SYS1: variants seen among roughly 807,000 people sequenced by gnomAD.
SYS1 encodes the protein SYS1 golgi trafficking protein, also known as protein SYS1 homolog.
A neutral mutation model predicts 17.8 loss-of-function variants in SYS1; 8 were observed. That is an observed-to-expected ratio of 0.45 (90% CI 0.26 to 0.81). The LOEUF (loss-of-function observed/expected upper bound fraction) is 0.81. Ranked by LOEUF, SYS1 falls within the 40% of genes least tolerant of loss-of-function variation. The probability of loss-of-function intolerance (pLI) is 0.16; values close to 1 mark genes in which losing one functional copy is unlikely to be tolerated. For missense variants in SYS1, 161 were observed against 203.9 expected (o/e 0.79, Z 1.28); for synonymous variants, 95 against 90.9 (o/e 1.05, Z -0.26).
In SYS1 at chr20:45,374,888, C is replaced by T. The variant is rs527282231; in HGVS notation, c.*594C>T. ...GTATGATGTTGGTCTAAGGCTTCCC[C>T]CTCTCTGGACATGAAGGCGGAGCCT... On this transcript the variant is annotated 3_prime_UTR_variant, in exon 4 of 4. Coordinates refer to the SYS1 transcript ENST00000426004. 163 of 1,068,660 alleles carry T rather than the reference C, an allele frequency of 1.5e-4. No individual in the cohort carries two copies. The African/African-American group carries it at 1.9e-3, about 13-fold the overall frequency. The allele number at this position is 1,068,660 out of a possible 1,614,324, so 66.2% of individuals were successfully genotyped here.
chr20:45,363,524 T>A lies in SYS1; in HGVS notation c.-3-5T>A. 1 of 1,590,948 alleles carries A rather than the reference T, an allele frequency of 6.3e-7. No homozygotes were observed. On this transcript the variant is annotated splice_region_variant and splice_polypyrimidine_tract_variant and intron_variant, in intron 1 of 3. Coordinates refer to ENST00000243918, the MANE Select transcript of SYS1 (RefSeq NM_033542.4). Reference sequence around the variant, plus strand: ...CTGGCTGAGGCCCGGCTCGTGTCCCTGCAGGGCATGGCGGGTCAGTTCCGC... The same window carrying A: ...CTGGCTGAGGCCCGGCTCGTGTCCCAGCAGGGCATGGCGGGTCAGTTCCGC...
downstream of SYS1, chr20:45,373,762 CT>C (rs1371559088): frequency 1.4e-6 from 1 of 705,786 alleles, no homozygotes; most frequent in African/African-American, 2.1e-5. Context: ...CTAGACTGAC[CT>C]TAGGGGCCTC....
exon 4 of SYS1, chr20:45,375,390 G>A (rs762329343): frequency 7.7e-5 from 125 of 1,613,984 alleles, no homozygotes; most frequent in Non-Finnish European, 1.1e-4. Context: ...TTTTCTCCTT[G>A]TTCCTCATCC....
exon 4 of SYS1, chr20:45,375,413 G>A: frequency 3.7e-6 from 6 of 1,614,098 alleles, no homozygotes; most frequent in Non-Finnish European, 5.1e-6. Flanking sequence ...GACTGCACCT[G>A]GGACTTCCAC....
rs1194854207 is a variant in SYS1 at position 45,365,766 on chromosome 20, G to A, written c.230+80G>A. ...CTTCCTAAGTTTGAACATGAGACAG[G>A]CTGGCACTTGTTTCTGGGGAGTGGT... On this transcript the variant is annotated intron_variant, in intron 3 of 3. Transcript: ENST00000243918. 3 of 1,417,978 alleles carry A rather than the reference G, an allele frequency of 2.1e-6. No individual in the cohort carries two copies. The African/African-American group carries it at 4.2e-5, about 20-fold the overall frequency. 87.8% of individuals were successfully genotyped at this position (1,417,978 alleles called of 1,614,324 possible).
chr20:45,363,177 G>A lies in SYS1; in HGVS notation c.-142G>A, dbSNP rs1437700773. The A allele has an allele frequency of 9.6e-7, 1 of 1,046,780 alleles. No individual in the cohort carries two copies. Among genetic ancestry groups the A allele is most frequent in the Non-Finnish European group, 1.2e-6 (1 of 867,286 alleles). The allele number at this position is 1,046,780 out of a possible 1,614,324, so 64.8% of individuals were successfully genotyped here. A position where few individuals can be genotyped will look rare whatever the true frequency, so the allele number is the denominator to read the frequency against. On this transcript the variant is annotated 5_prime_UTR_variant, in exon 1 of 4. Transcript: ENST00000243918. The stretch of plus-strand genomic sequence containing the variant: ...GTTTCTTTCCTACGCAGCCGCTCCT[G>A]CCGCCGTGGTCGCTGGAGCTTTGCC...
At chr20:45,365,187 A>G (rs1988369891) in intron 2 of SYS1, 1 of 300,252 alleles carries the variant, frequency 3.3e-6, no homozygotes, top group South Asian at 3.0e-5. Context: ...TTTAGGTCAC[A>G]ATTATTCAGC....
rs750207464 is a variant in SYS1, at chr20:45,363,521, C to T, written c.-3-8C>T. ...CCGCTGGCTGAGGCCCGGCTCGTGT[C>T]CCTGCAGGGCATGGCGGGTCAGTTC... On this transcript the variant is annotated splice_region_variant and splice_polypyrimidine_tract_variant and intron_variant, in intron 1 of 3. Transcript: ENST00000243918. 2.5e-6 allele frequency: 4 copies of T among 1,588,772 alleles called. No homozygotes were observed. The Admixed American group carries it at 7.0e-5, about 28-fold the overall frequency.
exon 4 of SYS1, chr20:45,374,417 G>C (rs1215413999): frequency 6.8e-6 from 4 of 584,552 alleles, no homozygotes; most frequent in Admixed American, 3.2e-5. Flanking sequence ...TACTACAAGC[G>C]CAAGGCACCA....
exon 4 of SYS1, chr20:45,375,013 C>A (rs1302948785): frequency 5.6e-6 from 9 of 1,598,910 alleles, no homozygotes; most frequent in Non-Finnish European, 7.7e-6. Context: ...TCTCACCTAG[C>A]CTGGCAGTGT....
chr20:45,374,083 G>A, downstream of SYS1: 1 of 1,426,374 alleles, frequency 7.0e-7, no homozygotes. Flanking sequence ...GGGAGCGGGC[G>A]CAGGGACAAG....
At chr20:45,364,722 C>A (rs1028615581) in intron 2 of SYS1, among the ~76,000 whole-genome samples, 1 of 152,002 alleles carries the variant, frequency 6.6e-6, no homozygotes, top group African/African-American at 2.4e-5. Flanking sequence ...CCGCCTGCCT[C>A]GGCCTCCCAA....
intron 3 of SYS1, 56 bp from the exon 4 acceptor site, chr20:45,366,819 A>G: frequency 6.7e-7 from 1 of 1,488,860 alleles, no homozygotes; most frequent in African/African-American, 1.4e-5. Context: ...TACCCTCCCA[A>G]ATAACCTAAG....
In SYS1 at chr20:45,363,311, C is replaced by T; in HGVS notation, c.-8C>T. The T allele has an allele frequency of 2.9e-6, 4 of 1,366,660 alleles. No individual in the cohort carries two copies. The highest frequency in any genetic ancestry group is 3.8e-6 in the Non-Finnish European group (4 of 1,059,058). 84.7% of individuals were successfully genotyped at this position (1,366,660 alleles called of 1,614,324 possible). The stretch of plus-strand genomic sequence containing the variant: ...CAGACACTTCGATCGTCGAGTCTGT[C>T]ACTGGTGAGTAGACCCCAGAGGAGC... On this transcript the variant is annotated 5_prime_UTR_variant, in exon 1 of 4. Coordinates refer to ENST00000243918, the MANE Select transcript of SYS1 (RefSeq NM_033542.4).
chr20:45,364,723 G>A (rs953884212), intron 2 of SYS1, among the ~76,000 whole-genome samples: 2 of 152,008 alleles, frequency 1.3e-5, no homozygotes, highest in Middle Eastern at 3.4e-3. Flanking sequence ...CGCCTGCCTC[G>A]GCCTCCCAAA....
chr20:45,363,088 A>G (rs974090083), upstream of SYS1: 17 of 994,276 alleles, frequency 1.7e-5, no homozygotes, highest in Non-Finnish European at 2.0e-5. Flanking sequence ...AGGTTCAGGC[A>G]GAGGTTGCAC....
At chr20:45,362,295 T>G (rs1207912271), upstream of SYS1, among the ~76,000 whole-genome samples, 1 of 152,222 alleles carries the variant, frequency 6.6e-6, no homozygotes, top group East Asian at 1.9e-4. Context: ...CTAGCCTTCC[T>G]GCCACCGAGT....
chr20:45,367,041 A>C lies in SYS1; in HGVS notation c.397A>C (p.Ile133Leu), dbSNP rs1193598839. 6.2e-7 allele frequency: 1 copy of C among 1,614,140 alleles called. No homozygotes were observed. Among genetic ancestry groups the C allele is most frequent in the Non-Finnish European group, 8.5e-7 (1 of 1,180,034 alleles). Residue 133 changes from isoleucine (I) to leucine (L), a missense_variant, in exon 4 of 4, where the codon ATC becomes CTC. Ile to Leu is a conservative substitution (Grantham distance 5). Transcript: ENST00000243918. ...QAVCIALMAV[I>L]GEYLCMRTEL... ...CGTGTGCATTGCACTCATGGCTGTC[A>C]TCGGGGAGTACCTGTGCATGCGGAC... is the stretch of plus-strand genomic sequence containing the variant.
chr20:45,374,179 C>T, downstream of SYS1: 1 of 678,540 alleles, frequency 1.5e-6, no homozygotes, highest in Non-Finnish European at 2.6e-6. Context: ...GCACTCACCC[C>T]CTTCCTTTCG....
Sources: gnomAD v4.1 joint callset for allele counts (sites outside exome capture counted in the v4.1 genomes callset) on GRCh38, gnomAD v4.1.1 for gene constraint, MANE v1.5 for transcripts, NCBI Gene and HGNC (gene_info 2026-07-23, HGNC 2026-07-21) for gene names.